The following OR1L8 variants were observed in gnomAD, a reference collection of about 807,000 sequenced individuals.
OR1L8 encodes olfactory receptor 1L8.
For missense variants in OR1L8, 330 were observed against 377.4 expected, an observed-to-expected ratio of 0.87 and a Z score of 1.04; for synonymous variants, 148 against 147.0, an observed-to-expected ratio of 1.01 and a Z score of -0.05.
rs1333895841 is a variant in OR1L8, at chr9:122,567,811, G to C, written c.667C>G (p.Leu223Val). Residue 223 changes from leucine (L) to valine (V), a missense_variant, in exon 5 of 5, where the codon CTC becomes GTC. Physicochemically the swap from Leu to Val is conservative, Grantham distance 32. Transcript: ENST00000641027. ...GAGGGAATCTTGAGAACTGTAGTGA[G>C]GATTCGTATATAAGAGAAAGCAATG... ...LCIAFSYIRI[L>V]TTVLKIPSTS... 6.2e-7 allele frequency: 1 copy of C among 1,614,046 alleles called. No homozygotes were observed. Among genetic ancestry groups the C allele is most frequent in the Non-Finnish European group, 8.5e-7 (1 of 1,179,954 alleles).
the OR1L8 span, among the ~76,000 whole-genome samples, chr9:122,550,680 C>A: frequency 6.6e-6 from 1 of 151,796 alleles, no homozygotes; most frequent in East Asian, 1.9e-4. Flanking sequence ...ATAGAAAAAG[C>A]AACTGATAAA....
At chr9:122,553,459 A>G in the OR1L8 span, 8 of 1,613,974 alleles carry the variant, frequency 5.0e-6, no homozygotes, top group African/African-American at 1.3e-5. Context: ...TCCATCCCCA[A>G]AATGCTGGCC....
At chr9:122,554,833 T>C in the OR1L8 span, among the ~76,000 whole-genome samples, 3 of 152,188 alleles carry the variant, frequency 2.0e-5, no homozygotes, top group Non-Finnish European at 2.9e-5. Context: ...TTAAAAGTAA[T>C]CAATATTTGT....
At chr9:122,574,825 T>C (rs1016151997) in intron 3 of OR1L8, among the ~76,000 whole-genome samples, 6 of 152,136 alleles carry the variant, frequency 3.9e-5, no homozygotes, top group African/African-American at 1.4e-4. Flanking sequence ...AGTTGTAGGA[T>C]TTTTTTGGGG....
chr9:122,575,160 T>C (rs969196080), intron 3 of OR1L8, among the ~76,000 whole-genome samples: 1 of 152,098 alleles, frequency 6.6e-6, no homozygotes, highest in African/African-American at 2.4e-5. Context: ...ATAGTTTTCT[T>C]ATAATGTCTT....
downstream of OR1L8, among the ~76,000 whole-genome samples, chr9:122,565,449 C>G (rs2900206): frequency 0.27 from 41,211 of 152,060 alleles, 5,796 homozygotes; most frequent in Middle Eastern, 0.34. Flanking sequence ...ATGGCCATGG[C>G]GGCAGGGATG....
intron 4 of OR1L8, among the ~76,000 whole-genome samples, chr9:122,571,947 A>G (rs1036474254): frequency 3.3e-5 from 5 of 152,154 alleles, no homozygotes; most frequent in African/African-American, 1.2e-4. Flanking sequence ...AAGAGGTTCA[A>G]TTGCCTCACA....
rs150427044 is a variant in OR1L8, at chr9:122,567,737, G to T, written c.741C>A (p.Thr247=). 1.2e-6 allele frequency: 2 copies of T among 1,613,922 alleles called. No homozygotes were observed. Among genetic ancestry groups the T allele is most frequent in the African/African-American group, 1.3e-5 (1 of 74,902 alleles). Residue 247 remains threonine (T), a synonymous_variant, in exon 5 of 5, where the codon ACC becomes ACA. Transcript: ENST00000641027. The part of the protein sequence containing the change: ...KAFSTCGFYL[T]VVTLFYGSIF... ...TGCTTCCATAAAAGAGCGTCACCAC[G>T]GTGAGGTAAAAACCACAGGTGGAGA...
In OR1L8 at chr9:122,568,220, G is replaced by A. The variant is rs1829472823; in HGVS notation, c.258C>T (p.Phe86=). ...TSVVPKMLMN[F]LSEKKTISYA... ...AGGAGATGGTCTTCTTTTCTGACAG[G>A]AAGTTCATCAGCATCTTGGGGACAA... The change falls in exon 5 of 5, where the codon TTC becomes TTT. Residue 86 remains phenylalanine (F), a synonymous_variant. Transcript: ENST00000641027. The A allele has an allele frequency of 6.2e-7, 1 of 1,614,168 alleles. No individual in the cohort carries two copies. Among genetic ancestry groups the A allele is most frequent in the Non-Finnish European group, 8.5e-7 (1 of 1,180,010 alleles).
chr9:122,568,029 C>G lies in OR1L8; in HGVS notation c.449G>C (p.Cys150Ser), dbSNP rs1374630197. ...GAGTGAGTGGAGGTGAGGAAATGAG[C>G]AGGAGAAGGCCACCAGCAGGACACA... ...HHCVLLVAFS[C>S]SFPHLHSLLH... Residue 150 changes from cysteine (C) to serine (S), a missense_variant, in exon 5 of 5, where the codon TGC becomes TCC. Physicochemically the swap from Cys to Ser is moderately radical, Grantham distance 112. Coordinates refer to ENST00000641027, the MANE Select transcript of OR1L8 (RefSeq NM_001004454.2). 1.9e-6 allele frequency: 3 copies of G among 1,613,834 alleles called. No homozygotes were observed. The highest frequency in any genetic ancestry group is 2.7e-5 in the African/African-American group (2 of 74,836).
At chr9:122,547,245 C>T in the OR1L8 span, among the ~76,000 whole-genome samples, 1 of 151,838 alleles carries the variant, frequency 6.6e-6, no homozygotes, top group Non-Finnish European at 1.5e-5. Context: ...AACACCCCAG[C>T]GAAAAGGGCA....
At chr9:122,561,638 T>A in the OR1L8 span, among the ~76,000 whole-genome samples, 2 of 152,200 alleles carry the variant, frequency 1.3e-5, no homozygotes, top group Admixed American at 1.3e-4. Flanking sequence ...CAGGCCTTAT[T>A]CATCTGGTTC....
the OR1L8 span, chr9:122,553,990 G>C: frequency 6.2e-7 from 1 of 1,613,720 alleles, no homozygotes; most frequent in Non-Finnish European, 8.5e-7. Context: ...TCTCTTATGG[G>C]TGTGTATTTA....
rs56729060 is a variant in OR1L8 at position 122,583,128 on chromosome 9, C to T, written c.-600+193G>A. Among the ~76,000 whole-genome samples the T allele has an allele frequency of 6.0e-4, 91 of 151,992 alleles. 1 individual carries two copies. The East Asian group carries it at 0.017, about 28-fold the overall frequency. ...CCAAAAGAGGCAAAAGACCAATGTT[C>T]AGGAAAACTTCCATGTGGGACAACA... On this transcript the variant is annotated intron_variant, in intron 1 of 4. Transcript: ENST00000641027.
At chr9:122,550,571 T>G in the OR1L8 span, among the ~76,000 whole-genome samples, 1 of 150,778 alleles carries the variant, frequency 6.6e-6, no homozygotes, top group Non-Finnish European at 1.5e-5. Flanking sequence ...GTTTTTTTTT[T>G]GAGGAATACA....
chr9:122,568,145 A>C lies in OR1L8; in HGVS notation c.333T>G (p.Ser111Arg). ...QMYFLYALGNSDSCLLAVMAF... is the reference protein window; with the variant it reads ...QMYFLYALGNRDSCLLAVMAF... The stretch of plus-strand genomic sequence containing the variant: ...CCATGACTGCCAGAAGGCAGCTGTC[A>C]CTGTTGCCCAAGGCATAGAGAAAAT... The change falls in exon 5 of 5, where the codon AGT becomes AGG. Residue 111 changes from serine (S) to arginine (R), a missense_variant. Ser to Arg is a moderately radical substitution (Grantham distance 110). Coordinates refer to ENST00000641027, the MANE Select transcript of OR1L8 (RefSeq NM_001004454.2). 1 of 1,614,124 alleles carries C rather than the reference A, an allele frequency of 6.2e-7. No individual in the cohort carries two copies. The highest frequency in any genetic ancestry group is 8.5e-7 in the Non-Finnish European group (1 of 1,179,982).
chr9:122,550,376 A>G, the OR1L8 span, among the ~76,000 whole-genome samples: 1 of 152,142 alleles, frequency 6.6e-6, no homozygotes, highest in African/African-American at 2.4e-5. Flanking sequence ...CAATGAGGAA[A>G]GAATCCTCCC....
At chr9:122,574,054 CTCTGTTCTG>C (rs1564202470) in intron 3 of OR1L8, among the ~76,000 whole-genome samples, 1 of 152,076 alleles carries the variant, frequency 6.6e-6, no homozygotes, top group Non-Finnish European at 1.5e-5. Flanking sequence ...TTTCTTGGTT[CTCTGTTCTG>C]TACCATTGAT....
chr9:122,578,331 C>T lies in OR1L8; in HGVS notation c.-485G>A, dbSNP rs1432152649. 1 of 151,982 alleles carries T rather than the reference C, an allele frequency of 6.6e-6. No homozygotes were observed. Among genetic ancestry groups the T allele is most frequent in the East Asian group, 1.9e-4 (1 of 5,182 alleles). 9.4% of individuals were successfully genotyped at this position (151,982 alleles called of 1,614,324 possible). ...GGTCATGGTGGCAGTCACCTGTAAT[C>T]CCAGATACTCGGGAGGCTGAGGCAG... On this transcript the variant is annotated 5_prime_UTR_variant, in exon 2 of 5. Coordinates refer to ENST00000641027, the MANE Select transcript of OR1L8 (RefSeq NM_001004454.2).
Sources: gnomAD v4.1 joint callset for allele counts (sites outside exome capture counted in the v4.1 genomes callset) on GRCh38, gnomAD v4.1.1 for gene constraint, MANE v1.5 for transcripts, NCBI Gene and HGNC (gene_info 2026-07-23, HGNC 2026-07-21) for gene names.